Variants in RNF150 observed in about 807,000 individuals in gnomAD.
RNF150 encodes ring finger protein 150.
Under a neutral mutation model 39.3 loss-of-function variants are expected in RNF150, and 24 were observed. The ratio of observed to expected loss-of-function variants is 0.61; its 90% confidence interval spans 0.44 to 0.86. The LOEUF (loss-of-function observed/expected upper bound fraction) is 0.86. Ranked by LOEUF, RNF150 falls within the 40% of genes least tolerant of loss-of-function variation. The probability of loss-of-function intolerance (pLI) is 0.00; values close to 1 mark genes in which losing one functional copy is unlikely to be tolerated. For missense variants in RNF150, 502 were observed against 587.8 expected, an observed-to-expected ratio of 0.85 and a Z score of 1.51; for synonymous variants, 255 against 227.3, an observed-to-expected ratio of 1.12 and a Z score of -1.10.
chr4:141,046,958 G>GA (rs1467910015), intron 1 of RNF150, among the ~76,000 whole-genome samples: 2 of 151,862 alleles, frequency 1.3e-5, no homozygotes, highest in African/African-American at 4.8e-5. Context: ...ACACCAAAAG[G>GA]AAAAAAATAA....
intron 1 of RNF150, among the ~76,000 whole-genome samples, chr4:141,170,024 A>G (rs1223989948): frequency 1.3e-5 from 2 of 152,176 alleles, no homozygotes; most frequent in Non-Finnish European, 2.9e-5. Flanking sequence ...ATTAATATTT[A>G]TCTTGCTCTA....
intron 1 of RNF150, among the ~76,000 whole-genome samples, chr4:141,153,141 A>G (rs1315633715): frequency 6.6e-6 from 1 of 152,198 alleles, no homozygotes. Flanking sequence ...GTATATTGTC[A>G]TTAAAGATGT....
In RNF150 at chr4:141,132,247, C is replaced by T. The variant is rs1726912998; in HGVS notation, c.484+78G>A. The T allele has an allele frequency of 6.9e-7, 1 of 1,459,670 alleles. No individual in the cohort carries two copies. The highest frequency in any genetic ancestry group is 9.3e-7 in the Non-Finnish European group (1 of 1,075,544). The allele number at this position is 1,459,670 out of a possible 1,614,324, so 90.4% of individuals were successfully genotyped here. Reference sequence around the variant, plus strand: ...GCCGCACGGACTTCCCAGAAGGAGCCTGGAGGCAGGCGCTGGATCCCTCTA... The same window carrying T: ...GCCGCACGGACTTCCCAGAAGGAGCTTGGAGGCAGGCGCTGGATCCCTCTA... On this transcript the variant is annotated intron_variant, in intron 1 of 6. Coordinates refer to ENST00000515673, the MANE Select transcript of RNF150 (RefSeq NM_020724.2). The surrounding 1 kb of genome is among the most constrained non-coding windows in gnomAD (Gnocchi z 4.9).
intron 1 of RNF150, among the ~76,000 whole-genome samples, chr4:141,058,184 A>G (rs1227749024): frequency 6.6e-6 from 1 of 152,136 alleles, no homozygotes; most frequent in African/African-American, 2.4e-5. Flanking sequence ...ATTAAAGTAA[A>G]CCTTTAATAA....
At chr4:140,973,550 CTG>C (rs1733544488) in intron 1 of RNF150, among the ~76,000 whole-genome samples, 1 of 149,328 alleles carries the variant, frequency 6.7e-6, no homozygotes, top group South Asian at 2.1e-4. Context: ...GAAAAAAAAA[CTG>C]TATTTTGAAA....
chr4:141,078,245 G>C (rs1447922038), intron 1 of RNF150, among the ~76,000 whole-genome samples: 1 of 152,070 alleles, frequency 6.6e-6, no homozygotes, highest in Non-Finnish European at 1.5e-5. Flanking sequence ...ATGGTGACAG[G>C]GATGCCCTAG....
intron 1 of RNF150, among the ~76,000 whole-genome samples, chr4:141,163,677 C>T (rs962458556): frequency 6.6e-6 from 1 of 152,154 alleles, no homozygotes; most frequent in Non-Finnish European, 1.5e-5. Flanking sequence ...CTAGAGTGGA[C>T]CTCCAGCAAA....
chr4:141,178,331 AC>A (rs929650608), intron 1 of RNF150, among the ~76,000 whole-genome samples: 7 of 152,204 alleles, frequency 4.6e-5, no homozygotes, highest in Admixed American at 3.9e-4. Flanking sequence ...TCTTGAATTA[AC>A]AATGCTGGCA....
At chr4:141,007,069 G>T (rs1267809733) in intron 1 of RNF150, among the ~76,000 whole-genome samples, 1 of 152,094 alleles carries the variant, frequency 6.6e-6, no homozygotes, top group Admixed American at 6.6e-5. Context: ...TTACTTTTTG[G>T]TTTTCAATGT....
chr4:141,189,056 C>A (rs578113948), intron 1 of RNF150, among the ~76,000 whole-genome samples: 1 of 152,192 alleles, frequency 6.6e-6, no homozygotes, highest in African/African-American at 2.4e-5. Flanking sequence ...ACCTTTGGAT[C>A]GGGTTTTTGC....
At chr4:140,906,260 A>G (rs974340750) in intron 6 of RNF150, among the ~76,000 whole-genome samples, 3 of 152,104 alleles carry the variant, frequency 2.0e-5, no homozygotes, top group African/African-American at 7.2e-5. Context: ...GGTCCCCCAC[A>G]TCTGCCTGAG....
At chr4:141,166,911 C>G (rs930655870) in intron 1 of RNF150, among the ~76,000 whole-genome samples, 1 of 152,106 alleles carries the variant, frequency 6.6e-6, no homozygotes, top group Admixed American at 6.5e-5. Flanking sequence ...TCTCACCACT[C>G]CTATTAAACA....
At chr4:141,005,321 T>C (rs1291812695) in intron 1 of RNF150, among the ~76,000 whole-genome samples, 1 of 152,176 alleles carries the variant, frequency 6.6e-6, no homozygotes, top group Non-Finnish European at 1.5e-5. Context: ...TATCACTTGA[T>C]GCATGGATGT....
At chr4:140,997,671 C>T (rs545200458) in intron 1 of RNF150, among the ~76,000 whole-genome samples, 6 of 62,464 alleles carry the variant, frequency 9.6e-5, no homozygotes, top group Admixed American at 4.7e-4. Flanking sequence ...GCCAAGATTG[C>T]GCCACTGCAC....
At chr4:141,121,183 C>T (rs1049857893) in intron 1 of RNF150, among the ~76,000 whole-genome samples, 5 of 152,154 alleles carry the variant, frequency 3.3e-5, no homozygotes, top group African/African-American at 1.2e-4. Flanking sequence ...GACTCCAAAG[C>T]CTAAACACTT....
At chr4:140,952,308 G>A (rs116811190) in intron 2 of RNF150, among the ~76,000 whole-genome samples, 1,960 of 152,232 alleles carry the variant, frequency 0.013, 54 homozygotes, top group African/African-American at 0.045. Flanking sequence ...CACAGCGCCC[G>A]ACCAGGGAGC....
intron 1 of RNF150, among the ~76,000 whole-genome samples, chr4:141,158,200 A>C (rs967986078): frequency 3.2e-4 from 48 of 152,312 alleles, no homozygotes; most frequent in African/African-American, 1.2e-3. Context: ...CTGAGGTAGG[A>C]GAGTCACTTG....
At chr4:141,053,887 G>C (rs1468501586) in intron 1 of RNF150, among the ~76,000 whole-genome samples, 2 of 152,020 alleles carry the variant, frequency 1.3e-5, no homozygotes, top group African/African-American at 4.8e-5. Flanking sequence ...CTCTCACCAG[G>C]GAGTATGACA....
chr4:140,936,409 C>T (rs1190421034), intron 4 of RNF150, among the ~76,000 whole-genome samples: 1 of 152,168 alleles, frequency 6.6e-6, no homozygotes. Flanking sequence ...CACTGCATAA[C>T]TTTTAATTTG....
Sources: gnomAD v4.1 joint callset for allele counts (sites outside exome capture counted in the v4.1 genomes callset) on GRCh38, gnomAD v4.1.1 for gene constraint, Gnocchi (gnomAD v3.1) non-coding constraint, MANE v1.5 for transcripts, NCBI Gene and HGNC (gene_info 2026-07-23, HGNC 2026-07-21) for gene names.